AUTS2: variants seen among roughly 807,000 people sequenced by gnomAD.
AUTS2 encodes activator of transcription and developmental regulator AUTS2, also known as autism susceptibility gene 2 protein.
Under a neutral mutation model 112.4 loss-of-function variants are expected in AUTS2, and 17 were observed. That is an observed-to-expected ratio of 0.15 (90% CI 0.10 to 0.23). AUTS2 has a LOEUF of 0.23. AUTS2 is among the 10% of genes least tolerant of loss of function. The probability of loss-of-function intolerance (pLI) is 1.00; values close to 1 mark genes in which losing one functional copy is unlikely to be tolerated. For missense variants in AUTS2, 1,510 were observed against 1,701.6 expected (o/e 0.89, Z 1.98); for synonymous variants, 751 against 702.7 (o/e 1.07, Z -1.09).
chr7:70,145,195 A>G (rs1192676625), intron 4 of AUTS2, among the ~76,000 whole-genome samples: 1 of 152,106 alleles, frequency 6.6e-6, no homozygotes, highest in Non-Finnish European at 1.5e-5. Flanking sequence ...CTGGAGCTTT[A>G]ACAGAAATCA....
At chr7:70,547,488 C>T (rs1408569896) in intron 5 of AUTS2, among the ~76,000 whole-genome samples, 3 of 152,124 alleles carry the variant, frequency 2.0e-5, no homozygotes, top group Non-Finnish European at 2.9e-5. Context: ...CTCTCCACCT[C>T]GTGATCTGCC....
rs141011787 is a variant in AUTS2, at chr7:70,389,602, C to T, written c.661-46150C>T. On this transcript the variant is annotated intron_variant, in intron 4 of 18. Coordinates refer to ENST00000342771, the MANE Select transcript of AUTS2 (RefSeq NM_015570.4). ...GCCAAATGGAAATTATGATATTTCA[C>T]TGAACTCAGAACCAAATCTGCCTTT... 5.9e-5 allele frequency among the ~76,000 whole-genome samples: 9 copies of T among 152,208 alleles called. No individual in the cohort carries two copies. The East Asian group carries it at 1.5e-3, about 26-fold the overall frequency.
chr7:70,475,594 C>A (rs1797551328), intron 5 of AUTS2, among the ~76,000 whole-genome samples: 1 of 152,162 alleles, frequency 6.6e-6, no homozygotes, highest in African/African-American at 2.4e-5. Context: ...TGCTCAATTA[C>A]AACTTACTAA....
chr7:69,625,047 G>A (rs966512217), intron 1 of AUTS2, among the ~76,000 whole-genome samples: 11 of 151,794 alleles, frequency 7.2e-5, no homozygotes, highest in African/African-American at 2.7e-4. Flanking sequence ...GTGGTGTCAT[G>A]CTCTTTGGTG....
chr7:70,146,623 C>A (rs1355083342), intron 4 of AUTS2, among the ~76,000 whole-genome samples: 1 of 152,062 alleles, frequency 6.6e-6, no homozygotes, highest in Non-Finnish European at 1.5e-5. Context: ...GATAAAAGTG[C>A]AAACATGAGC....
intron 14 of AUTS2, 56 bp downstream of exon 14, chr7:70,777,230 C>G (rs557362736): frequency 6.7e-7 from 1 of 1,502,028 alleles, no homozygotes; most frequent in African/African-American, 1.4e-5. Context: ...GAGTGTGTGA[C>G]GTGCTCGGGA....
chr7:69,642,719 G>A (rs1336014864), intron 1 of AUTS2, among the ~76,000 whole-genome samples: 2 of 152,078 alleles, frequency 1.3e-5, no homozygotes, highest in East Asian at 3.9e-4. Flanking sequence ...TCTCTTCCTT[G>A]AGAGATTAAC....
chr7:70,062,577 T>G (rs1216664469), intron 2 of AUTS2, among the ~76,000 whole-genome samples: 4 of 152,074 alleles, frequency 2.6e-5, no homozygotes, highest in African/African-American at 9.7e-5. Context: ...TTTTCACAAG[T>G]TGCAATTTGA....
intron 4 of AUTS2, among the ~76,000 whole-genome samples, chr7:70,213,111 T>C (rs1027597083): frequency 1.3e-5 from 2 of 152,168 alleles, no homozygotes; most frequent in African/African-American, 4.8e-5. Context: ...TCCCACATTA[T>C]ATAAATGTAT....
At chr7:69,903,904 G>A (rs532705166) in intron 2 of AUTS2, among the ~76,000 whole-genome samples, 137 of 152,248 alleles carry the variant, frequency 9.0e-4, no homozygotes, top group African/African-American at 3.2e-3. Context: ...TTCTTTTTAG[G>A]AATAAAAATT....
chr7:69,753,681 C>T (rs1484693466), intron 1 of AUTS2, among the ~76,000 whole-genome samples: 1 of 152,172 alleles, frequency 6.6e-6, no homozygotes, highest in Non-Finnish European at 1.5e-5. Flanking sequence ...GAGTTGACAA[C>T]AGTGCTTATC....
intron 5 of AUTS2, among the ~76,000 whole-genome samples, chr7:70,586,749 C>G (rs879696045): frequency 1.3e-5 from 2 of 152,168 alleles, no homozygotes; most frequent in Non-Finnish European, 2.9e-5. Flanking sequence ...GCTGTTCAAT[C>G]CCATTCAGTT....
chr7:69,916,402 A>G (rs752608499), intron 2 of AUTS2, among the ~76,000 whole-genome samples: 2 of 152,146 alleles, frequency 1.3e-5, no homozygotes, highest in Non-Finnish European at 2.9e-5. Context: ...TGGAAGTTAC[A>G]TTCTCTTCAT....
intron 1 of AUTS2, among the ~76,000 whole-genome samples, chr7:69,635,705 G>A (rs1035411816): frequency 6.6e-6 from 1 of 152,182 alleles, no homozygotes; most frequent in African/African-American, 2.4e-5. Context: ...GGGAAAGGAG[G>A]AGGAGACCTT....
At chr7:69,964,557 C>T (rs776536300) in intron 2 of AUTS2, among the ~76,000 whole-genome samples, 15 of 151,958 alleles carry the variant, frequency 9.9e-5, no homozygotes, top group African/African-American at 2.9e-4. Flanking sequence ...CCTCGGTTTT[C>T]GTGAAGTTTA....
chr7:69,687,805 G>A (rs1031424743), intron 1 of AUTS2, among the ~76,000 whole-genome samples: 16 of 152,096 alleles, frequency 1.1e-4, no homozygotes, highest in African/African-American at 3.9e-4. Flanking sequence ...CTGAAGTTAA[G>A]ATCAACAGCT....
intron 5 of AUTS2, among the ~76,000 whole-genome samples, chr7:70,595,696 G>A (rs948163761): frequency 1.3e-5 from 2 of 152,202 alleles, no homozygotes; most frequent in African/African-American, 4.8e-5. Context: ...ACATGAAGTT[G>A]GAGTAGATAC....
intron 4 of AUTS2, among the ~76,000 whole-genome samples, chr7:70,305,069 A>G (rs1789429893): frequency 6.6e-6 from 1 of 152,284 alleles, no homozygotes; most frequent in Non-Finnish European, 1.5e-5. Flanking sequence ...ATACTTTTCC[A>G]TAGCCTGATT....
intron 1 of AUTS2, among the ~76,000 whole-genome samples, chr7:69,799,723 A>G (rs1395258223): frequency 6.6e-6 from 1 of 152,178 alleles, no homozygotes; most frequent in East Asian, 1.9e-4. Flanking sequence ...TTTGATTTGT[A>G]AATCCAAATA....
Sources: allele counts gnomAD v4.1 joint callset (sites outside exome capture counted in the v4.1 genomes callset), GRCh38; gene constraint gnomAD v4.1.1; transcripts MANE v1.5; gene names NCBI Gene and HGNC (gene_info 2026-07-23, HGNC 2026-07-21).